GSE1: variants seen among roughly 807,000 people sequenced by gnomAD.
The protein encoded by GSE1 is Gse1 coiled-coil protein.
Under a neutral mutation model 112.6 loss-of-function variants are expected in GSE1, and 32 were observed. That is an observed-to-expected ratio of 0.28 (90% CI 0.21 to 0.38). The LOEUF (loss-of-function observed/expected upper bound fraction) is 0.38, where lower values mean the gene tolerates loss of function less well. GSE1 is among the 10% of genes least tolerant of loss of function. The pLI, the probability that GSE1 is intolerant of heterozygous loss-of-function variation, is 1.00. For synonymous variants in GSE1, 1,115 were observed against 735.6 expected, an observed-to-expected ratio of 1.52 and a Z score of -8.35; for missense variants, 2,348 against 1,699.2, an observed-to-expected ratio of 1.38 and a Z score of -6.71.
chr16:85,283,979 G>A (rs1161041712), intron 1 of GSE1, among the ~76,000 whole-genome samples: 1 of 152,170 alleles, frequency 6.6e-6, no homozygotes, highest in African/African-American at 2.4e-5. Flanking sequence ...GCCTTTCTGG[G>A]CCTCAGTTTC....
At chr16:85,357,813 T>G (rs1283084549) in intron 2 of GSE1, among the ~76,000 whole-genome samples, 10 of 152,150 alleles carry the variant, frequency 6.6e-5, no homozygotes, top group African/African-American at 2.2e-4. Context: ...GGATTTTCTC[T>G]TCCATACTCC....
At chr16:85,232,434 CAG>C (rs1355389320) in intron 1 of GSE1, among the ~76,000 whole-genome samples, 1 of 152,190 alleles carries the variant, frequency 6.6e-6, no homozygotes, top group East Asian at 1.9e-4. Flanking sequence ...GGTGGATGGA[CAG>C]GGGCTGATGG....
chr16:85,629,710 G>A (rs977005584), intron 1 of GSE1, among the ~76,000 whole-genome samples: 4 of 152,204 alleles, frequency 2.6e-5, no homozygotes, highest in Admixed American at 6.5e-5. Flanking sequence ...GGGGGATGGG[G>A]GATGCTGATG....
intron 2 of GSE1, among the ~76,000 whole-genome samples, chr16:85,475,797 T>G (rs1314462753): frequency 7.8e-6 from 1 of 128,482 alleles, no homozygotes; most frequent in Non-Finnish European, 1.7e-5. Flanking sequence ...TTTTTTTTTT[T>G]TTTAATACTA....
chr16:85,660,218 C>G (rs904510275), intron 8 of GSE1, among the ~76,000 whole-genome samples: 1 of 152,210 alleles, frequency 6.6e-6, no homozygotes, highest in East Asian at 1.9e-4. Context: ...GGGGAATTCA[C>G]GCAAGCAGGT....
At chr16:85,653,415 C>T (rs1452044589) in intron 3 of GSE1, among the ~76,000 whole-genome samples, 1 of 148,344 alleles carries the variant, frequency 6.7e-6, no homozygotes, top group Non-Finnish European at 1.5e-5. Flanking sequence ...GGGGCAGCCT[C>T]TGCGTGGCTA....
intron 1 of GSE1, among the ~76,000 whole-genome samples, chr16:85,603,939 C>CT (rs1395955934): frequency 6.6e-6 from 1 of 152,160 alleles, no homozygotes; most frequent in Non-Finnish European, 1.5e-5. Context: ...AAATCATTTT[C>CT]TTTTTTTCTT....
chr16:85,515,322 G>C (rs1428476450), intron 2 of GSE1, among the ~76,000 whole-genome samples: 1 of 152,394 alleles, frequency 6.6e-6, no homozygotes, highest in African/African-American at 2.4e-5. Context: ...CTCAGCCCAC[G>C]CTCTCCTGAG....
At chr16:85,578,543 T>C (rs1206175088) in intron 1 of GSE1, among the ~76,000 whole-genome samples, 3 of 152,228 alleles carry the variant, frequency 2.0e-5, no homozygotes, top group Admixed American at 1.3e-4. Context: ...CTGTGGTTAC[T>C]GTTTTTATTT....
intron 1 of GSE1, among the ~76,000 whole-genome samples, chr16:85,265,864 G>T (rs573390654): frequency 6.6e-6 from 1 of 152,178 alleles, no homozygotes; most frequent in African/African-American, 2.4e-5. Flanking sequence ...TGAGGTCCCA[G>T]GTCCACGGTC....
chr16:85,511,792 G>A (rs919796071), intron 2 of GSE1, among the ~76,000 whole-genome samples: 1 of 152,184 alleles, frequency 6.6e-6, no homozygotes, highest in African/African-American at 2.4e-5. Context: ...CCAGGAGCTG[G>A]AAGAGGCAGG....
Position 85,666,334 on chromosome 16 carries a change from G to T in GSE1, c.3117G>T (p.Leu1039=). Residue 1039 remains leucine, a synonymous_variant, in exon 13 of 16, where the codon CTG becomes CTT. Coordinates refer to ENST00000253458, the MANE Select transcript of GSE1 (RefSeq NM_014615.5). ...TGCTGCAGTCCACCCAGAAGGCCCTGCAGAAGCATAAAGGTAATGAGGCTG... is the reference window on the plus strand; with the variant it reads ...TGCTGCAGTCCACCCAGAAGGCCCTTCAGAAGCATAAAGGTAATGAGGCTG... ...ESVLQSTQKA[L]QKHKGSVAVL... 1 of 1,613,742 alleles carries T rather than the reference G, an allele frequency of 6.2e-7. No individual in the cohort carries two copies. Among genetic ancestry groups the T allele is most frequent in the Non-Finnish European group, 8.5e-7 (1 of 1,180,050 alleles).
Position 85,657,615 on chromosome 16 carries a change from C to T in GSE1, c.1640+11C>T, listed in dbSNP as rs748103269. ...GGAGAGCACCACCAGGTGAGTGAGC[C>T]CCAGGAAGGAAGGAGGGATGAGCCT... is the stretch of plus-strand genomic sequence containing the variant. On this transcript the variant is annotated intron_variant, in intron 8 of 15. Transcript: ENST00000253458. 9.4e-6 allele frequency: 14 copies of T among 1,496,300 alleles called. No individual in the cohort carries two copies. Among genetic ancestry groups the T allele is most frequent in the Non-Finnish European group, 1.2e-5 (13 of 1,122,470 alleles). 92.7% of individuals were successfully genotyped at this position (1,496,300 alleles called of 1,614,324 possible).
At chr16:85,649,815 T>C (rs1020339651) in intron 3 of GSE1, among the ~76,000 whole-genome samples, 1 of 152,070 alleles carries the variant, frequency 6.6e-6, no homozygotes, top group Non-Finnish European at 1.5e-5. Context: ...TGAAGCTCCC[T>C]CTCCCCCAGG....
At chr16:85,381,972 C>T (rs1234327917) in intron 2 of GSE1, among the ~76,000 whole-genome samples, 1 of 152,212 alleles carries the variant, frequency 6.6e-6, no homozygotes. Context: ...TGGTCCCAGG[C>T]CCAGGAATAA....
intron 2 of GSE1, among the ~76,000 whole-genome samples, chr16:85,395,479 C>T (rs1380963572): frequency 6.6e-6 from 1 of 152,174 alleles, no homozygotes; most frequent in Non-Finnish European, 1.5e-5. Flanking sequence ...AAAGGGGCAC[C>T]TCAGAGCCTG....
At chr16:85,452,693 G>A (rs2049719669) in intron 2 of GSE1, among the ~76,000 whole-genome samples, 1 of 152,254 alleles carries the variant, frequency 6.6e-6, no homozygotes, top group African/African-American at 2.4e-5. Flanking sequence ...CTGAAATTCA[G>A]GGAAGGATTT....
intron 2 of GSE1, among the ~76,000 whole-genome samples, chr16:85,410,346 C>T (rs1186220210): frequency 1.6e-5 from 1 of 62,814 alleles, no homozygotes. Context: ...GGATAATCCT[C>T]ACTGTTACAC....
At chr16:85,461,933 C>T (rs1235513550) in intron 2 of GSE1, among the ~76,000 whole-genome samples, 1 of 152,214 alleles carries the variant, frequency 6.6e-6, no homozygotes, top group South Asian at 2.1e-4. Context: ...GCCCATGGCT[C>T]TCAGCGCAGC....
Sources: allele counts gnomAD v4.1 joint callset (sites outside exome capture counted in the v4.1 genomes callset), GRCh38; gene constraint gnomAD v4.1.1; transcripts MANE v1.5; gene names NCBI Gene and HGNC (gene_info 2026-07-23, HGNC 2026-07-21).